Variants in EXOSC10 observed in about 807,000 individuals in gnomAD.
EXOSC10 encodes the protein exosome complex component 10.
EXOSC10 carries 94 observed loss-of-function variants against 126.6 expected under a neutral mutation model. That is an observed-to-expected ratio of 0.74 (90% CI 0.63 to 0.88). The LOEUF is 0.88. Ranked by LOEUF, EXOSC10 falls within the 40% of genes least tolerant of loss-of-function variation. The pLI, the probability that EXOSC10 is intolerant of heterozygous loss-of-function variation, is 0.00. For missense variants in EXOSC10, 1,041 were observed against 1,100.5 expected (o/e 0.95, Z 0.77); for synonymous variants, 395 against 400.8 (o/e 0.99, Z 0.17).
Position 11,098,077 on chromosome 1 carries a change from C to A in EXOSC10, c.191G>T (p.Arg64Leu). 1 of 1,611,714 alleles carries A rather than the reference C, an allele frequency of 6.2e-7. No individual in the cohort carries two copies. The highest frequency in any genetic ancestry group is 1.1e-5 in the South Asian group (1 of 90,484). ...PQFGDEYDFY[R>L]SFPGFQAFCE... ...AAATGCTTGGAAGCCAGGAAAACTTCGGTAAAAATCATACTCATCGCCAAA... is the reference window on the plus strand; with the variant it reads ...AAATGCTTGGAAGCCAGGAAAACTTAGGTAAAAATCATACTCATCGCCAAA... The change falls in exon 2 of 25, where the codon CGA becomes CTA. Residue 64 changes from arginine (R) to leucine (L), a missense_variant. Arg to Leu is a moderately radical substitution (Grantham distance 102). Around this residue, in one of 3 missense-constraint regions of EXOSC10, gnomAD observed 645 missense variants for 656.3 expected, o/e 0.98. Transcript: ENST00000376936.
intron 3 of EXOSC10, chr1:11,095,488 C>A (rs1231956086): frequency 3.8e-6 from 1 of 259,768 alleles, no homozygotes; most frequent in Non-Finnish European, 7.7e-6. Flanking sequence ...CTGAGGCGGG[C>A]GGATCACAAG....
intron 17 of EXOSC10, 71 bp from the exon 18 acceptor site, chr1:11,074,397 G>T: frequency 3.7e-6 from 4 of 1,086,366 alleles, no homozygotes; most frequent in Non-Finnish European, 5.5e-6. Context: ...AAGCAAGAGA[G>T]CAACAGTTAA....
rs75571638 is a variant in EXOSC10 at position 11,071,819 on chromosome 1, T to C, written c.2242+268A>G. The C allele has an allele frequency of 6.5e-3, 2,543 of 389,328 alleles. 62 individuals are homozygous for C. Among genetic ancestry groups the C allele is most frequent in the African/African-American group, 0.048 (2,355 of 48,908 alleles). 24.1% of individuals were successfully genotyped at this position (389,328 alleles called of 1,614,324 possible). A position where few individuals can be genotyped will look rare whatever the true frequency, so the allele number is the denominator to read the frequency against. On this transcript the variant is annotated intron_variant, in intron 20 of 24. Transcript: ENST00000376936. Reference sequence around the variant, plus strand: ...GCTCCAGAACTCTTCTCTAGGTCACTGCAGGTCTCGTCAATGTCGCATTCA... The same window carrying C: ...GCTCCAGAACTCTTCTCTAGGTCACCGCAGGTCTCGTCAATGTCGCATTCA...
chr1:11,080,484 A>G lies in EXOSC10; in HGVS notation c.1637+15T>C, dbSNP rs778239240. On this transcript the variant is annotated intron_variant, in intron 13 of 24. Transcript: ENST00000376936. Reference sequence around the variant, plus strand: ...CTGAGAAAGTCAGAACATATTAATCAGATTTGAAACTCACTTAGGCAGTTC... The same window carrying G: ...CTGAGAAAGTCAGAACATATTAATCGGATTTGAAACTCACTTAGGCAGTTC... 9 of 1,613,518 alleles carry G rather than the reference A, an allele frequency of 5.6e-6. No homozygotes were observed. Among genetic ancestry groups the G allele is most frequent in the Admixed American group, 5.0e-5 (3 of 59,918 alleles).
chr1:11,097,987 C>A, intron 2 of EXOSC10, 33 bp downstream of exon 2: 1 of 1,477,292 alleles, frequency 6.8e-7, no homozygotes, highest in Non-Finnish European at 9.0e-7. Context: ...CATTTCTTTT[C>A]ACTAACACAA....
intron 2 of EXOSC10, among the ~76,000 whole-genome samples, chr1:11,097,116 A>T (rs1297489286): frequency 6.6e-6 from 1 of 152,130 alleles, no homozygotes; most frequent in African/African-American, 2.4e-5. Context: ...AGGCTGAGGC[A>T]CAAGAATCGC....
At chr1:11,098,761 A>G (rs922917352) in intron 1 of EXOSC10, among the ~76,000 whole-genome samples, 1 of 152,242 alleles carries the variant, frequency 6.6e-6, no homozygotes, top group East Asian at 1.9e-4. Flanking sequence ...TTTATTGTTC[A>G]GTTAGTGTCA....
chr1:11,090,403 A>G (rs1372755634), intron 6 of EXOSC10, 151 bp downstream of exon 6: 4 of 704,150 alleles, frequency 5.7e-6, no homozygotes, highest in Non-Finnish European at 1.0e-5. Flanking sequence ...GTGAACACAA[A>G]CAGCAGGTTT....
chr1:11,087,900 G>C lies in EXOSC10; in HGVS notation c.845C>G (p.Pro282Arg), dbSNP rs144984094. 2.6e-5 allele frequency: 42 copies of C among 1,599,594 alleles called. No homozygotes were observed. In the African/African-American group the frequency reaches 4.2e-4, roughly 16 times the overall value. The change falls in exon 8 of 25, where the codon CCT (proline) becomes CGT (arginine). Residue 282 changes from proline to arginine, a missense_variant. Physicochemically the swap from Pro to Arg is moderately radical, Grantham distance 103 (BLOSUM62 -2). This residue lies in a region of EXOSC10 where 645 missense variants were observed against 656.3 expected (regional missense o/e 0.98). Coordinates refer to ENST00000376936, the MANE Select transcript of EXOSC10 (RefSeq NM_001001998.3). Reference sequence around the variant, plus strand: ...GAAATGGCATGGTGTCTCTTCTATAGGTCTGTATAACTGGATCAAGAGAAT... The same window carrying C: ...GAAATGGCATGGTGTCTCTTCTATACGTCTGTATAACTGGATCAAGAGAAT... The part of the protein sequence containing the change: ...LQKPQPQLYR[P>R]IEETPCHFIS...
At position 11,080,563 on chromosome 1, in the gene EXOSC10, AACACACACAC is replaced by A. The variant is rs70977543; in HGVS notation, c.1587-24_1587-15del. ...GGCAGTACATATCTGGAAAAAAAAA[AACACACACAC>A]ACACACACACACACACACACACACA... On this transcript the variant is annotated splice_polypyrimidine_tract_variant and intron_variant, in intron 12 of 24. Transcript: ENST00000376936. The A allele has an allele frequency of 3.0e-5, 43 of 1,423,544 alleles. No individual in the cohort carries two copies. The highest frequency in any genetic ancestry group is 9.9e-5 in the Admixed American group (5 of 50,574). The allele number at this position is 1,423,544 out of a possible 1,614,324, so 88.2% of individuals were successfully genotyped here.
In EXOSC10 at chr1:11,070,986, G is replaced by T. The variant is rs768565943; in HGVS notation, c.2243-13C>A. On this transcript the variant is annotated splice_polypyrimidine_tract_variant and intron_variant, in intron 20 of 24. Transcript: ENST00000376936. ...TGTTCCCGGGCAGCTGCAAGGGAGAGAACTTGTCTCTGGAGTTGGTGAATC... is the reference window on the plus strand; with the variant it reads ...TGTTCCCGGGCAGCTGCAAGGGAGATAACTTGTCTCTGGAGTTGGTGAATC... 6.2e-6 allele frequency: 10 copies of T among 1,612,824 alleles called. No homozygotes were observed. In the African/African-American group the frequency reaches 1.2e-4, roughly 19 times the overall value.
In EXOSC10 at chr1:11,094,940, G is replaced by C. The variant is rs575151768; in HGVS notation, c.372+818C>G. ...AAAAACAGGCTTTCAGGCTCAGTGA[G>C]GTGGCTCACGCCTGTAATCCCAGCA... On this transcript the variant is annotated intron_variant, in intron 3 of 24. Transcript: ENST00000376936. Among the ~76,000 whole-genome samples, 3 of 152,218 alleles carry C rather than the reference G, an allele frequency of 2.0e-5. No homozygotes were observed. The South Asian group carries it at 6.2e-4, about 32-fold the overall frequency.
chr1:11,075,219 ATGT>A (rs1226363671), intron 17 of EXOSC10, among the ~76,000 whole-genome samples: 9 of 151,972 alleles, frequency 5.9e-5, no homozygotes, highest in African/African-American at 2.2e-4. Flanking sequence ...GGGTTTCACC[ATGT>A]TGGCCAGGCT....
intron 1 of EXOSC10, 109 bp downstream of exon 1, chr1:11,099,612 C>T: frequency 2.3e-6 from 3 of 1,279,000 alleles, no homozygotes; most frequent in Non-Finnish European, 3.1e-6. Context: ...GCCCCGCGAC[C>T]CTCGCTCGGG....
At chr1:11,071,279 C>T (rs886670698) in intron 20 of EXOSC10, 4 of 371,090 alleles carry the variant, frequency 1.1e-5, no homozygotes, top group African/African-American at 4.1e-5. Context: ...CCATCACCAT[C>T]GTGGACAAAC....
intron 17 of EXOSC10, among the ~76,000 whole-genome samples, chr1:11,075,337 A>C (rs1639748734): frequency 6.6e-6 from 1 of 152,172 alleles, no homozygotes; most frequent in South Asian, 2.1e-4. Flanking sequence ...AGTATTACAT[A>C]TCTTTATAGG....
Position 11,082,782 on chromosome 1 carries a change from G to A in EXOSC10, c.1186C>T (p.Leu396Phe), listed in dbSNP as rs767687151. The change falls in exon 10 of 25, where the codon CTT becomes TTT. Residue 396 changes from leucine (L) to phenylalanine (F), a missense_variant. This residue lies in a region of EXOSC10 where 645 missense variants were observed against 656.3 expected (regional missense o/e 0.98). Transcript: ENST00000376936. ...TCGAGTGAGTGCCTGCCCAGGTTAA[G>A]AAGGCGTGCTGCCTGATGAGTATCA... is the stretch of plus-strand genomic sequence containing the variant. ...MFDTHQAARL[L>F]NLGRHSLDHL... 1 of 1,614,142 alleles carries A rather than the reference G, an allele frequency of 6.2e-7. No individual in the cohort carries two copies. The highest frequency in any genetic ancestry group is 2.2e-5 in the East Asian group (1 of 44,890).
chr1:11,079,200 A>C (rs1344130355), intron 14 of EXOSC10, among the ~76,000 whole-genome samples: 1 of 151,300 alleles, frequency 6.6e-6, no homozygotes, highest in African/African-American at 2.4e-5. Context: ...GTGGTGGTGC[A>C]TGCCTGTAAT....
chr1:11,093,166 T>C (rs888696934), intron 3 of EXOSC10, among the ~76,000 whole-genome samples: 1 of 152,208 alleles, frequency 6.6e-6, no homozygotes, highest in African/African-American at 2.4e-5. Flanking sequence ...CAAAGGCAGG[T>C]AGGACAGTAA....
Sources: allele counts gnomAD v4.1 joint callset (sites outside exome capture counted in the v4.1 genomes callset), GRCh38; gene constraint gnomAD v4.1.1; regional missense constraint gnomAD v4.1.1; transcripts MANE v1.5; gene names NCBI Gene and HGNC (gene_info 2026-07-23, HGNC 2026-07-21).